The following EXD2 variants were observed in gnomAD, a reference collection of about 807,000 sequenced individuals.
The protein encoded by EXD2 is exonuclease 3'-5' domain containing 2.
Under a neutral mutation model 62.5 loss-of-function variants are expected in EXD2, and 40 were observed. The ratio of observed to expected loss-of-function variants is 0.64; its 90% confidence interval spans 0.50 to 0.83. EXD2 has a LOEUF of 0.83. EXD2 is among the 40% of genes least tolerant of loss of function. The pLI, the probability that EXD2 is intolerant of heterozygous loss-of-function variation, is 0.00. For missense variants in EXD2, 671 were observed against 761.8 expected (o/e 0.88, Z 1.40); for synonymous variants, 239 against 291.9 (o/e 0.82, Z 1.85).
intron 3 of EXD2, among the ~76,000 whole-genome samples, chr14:69,221,909 TAAAAAAAAA>T (rs60647735): frequency 1.9e-4 from 10 of 52,034 alleles, no homozygotes; most frequent in East Asian, 8.3e-4. Flanking sequence ...CTGTCTCTAC[TAAAAAAAAA>T]AAAAAAAAAA....
intron 2 of EXD2, 51 bp from the exon 3 acceptor site, chr14:69,209,373 G>A: frequency 9.9e-7 from 1 of 1,012,824 alleles, no homozygotes; most frequent in South Asian, 2.7e-5. Flanking sequence ...ACTTGTTTAT[G>A]TAAAGGTTTA....
chr14:69,228,779 C>T (rs1300579286), intron 3 of EXD2, 37 bp from the exon 4 acceptor site: 1 of 1,584,552 alleles, frequency 6.3e-7, no homozygotes, highest in Admixed American at 1.8e-5. Flanking sequence ...CTGCTGTGCT[C>T]AGGTGTGAAC....
At chr14:69,234,636 A>C (rs537498635) in intron 5 of EXD2, 64 bp from the exon 6 acceptor site, 2 of 1,350,570 alleles carry the variant, frequency 1.5e-6, no homozygotes, top group East Asian at 4.6e-5. Context: ...TTTGTGATTG[A>C]CTTTGAAGTT....
chr14:69,209,946 CAGA>C (rs1276119498), intron 3 of EXD2, 143 bp downstream of exon 3: 10 of 651,584 alleles, frequency 1.5e-5, no homozygotes, highest in Admixed American at 7.3e-5. Flanking sequence ...CAGATTTTAG[CAGA>C]AGAAGAAGCT....
intron 1 of EXD2, among the ~76,000 whole-genome samples, chr14:69,198,979 C>G (rs575937812): frequency 2.0e-5 from 3 of 152,268 alleles, no homozygotes; most frequent in Non-Finnish European, 4.4e-5. Context: ...CATGGAGGCT[C>G]ACGCCTATAA....
At chr14:69,230,407 T>G in intron 4 of EXD2, 65 bp from the exon 5 acceptor site, 1 of 1,149,548 alleles carries the variant, frequency 8.7e-7, no homozygotes, top group Non-Finnish European at 1.3e-6. Context: ...TTATATGTCT[T>G]TTTTGATTTT....
chr14:69,218,797 T>C (rs1274191892), intron 3 of EXD2, among the ~76,000 whole-genome samples: 2 of 152,190 alleles, frequency 1.3e-5, no homozygotes, highest in African/African-American at 4.8e-5. Flanking sequence ...TTTTCAGGTT[T>C]GTCAAAGATC....
intron 2 of EXD2, chr14:69,208,847 T>C (rs1193479908): frequency 6.6e-6 from 1 of 152,220 alleles, no homozygotes; most frequent in African/African-American, 2.4e-5. Flanking sequence ...GGAGAACTGC[T>C]GAGCCTTCTG....
intron 7 of EXD2, 83 bp downstream of exon 7, chr14:69,236,235 G>A: frequency 1.3e-6 from 2 of 1,505,240 alleles, no homozygotes; most frequent in Non-Finnish European, 1.8e-6. Context: ...AAGGAAGAGG[G>A]AGGGATAGAA....
At chr14:69,193,016 A>G (rs1449745899) in intron 1 of EXD2, among the ~76,000 whole-genome samples, 1 of 151,516 alleles carries the variant, frequency 6.6e-6, no homozygotes, top group East Asian at 1.9e-4. Flanking sequence ...AGGAATGCCA[A>G]ACTGCCACCC....
At chr14:69,202,870 A>T (rs1041638431) in intron 1 of EXD2, among the ~76,000 whole-genome samples, 2 of 152,242 alleles carry the variant, frequency 1.3e-5, no homozygotes, top group Non-Finnish European at 2.9e-5. Flanking sequence ...AATATAAATT[A>T]CAAATATATA....
At position 69,236,338 on chromosome 14, in the gene EXD2, A is replaced by G; in HGVS notation, c.1157-69A>G. ...GGCCATAGCAGAGAACAGTGAAGGT[A>G]GTGCTGCTTCTTGGGTGTGGTGGTG... is the stretch of plus-strand genomic sequence containing the variant. On this transcript the variant is annotated intron_variant, in intron 7 of 9. Transcript: ENST00000685843. 5.6e-6 allele frequency: 9 copies of G among 1,609,194 alleles called. No individual in the cohort carries two copies. In the South Asian group the frequency reaches 9.9e-5, roughly 18 times the overall value.
chr14:69,226,966 C>G (rs1359617815), intron 3 of EXD2, among the ~76,000 whole-genome samples: 1 of 152,106 alleles, frequency 6.6e-6, no homozygotes, highest in Non-Finnish European at 1.5e-5. Context: ...CCTCCTACTC[C>G]TCCTGTAAGA....
At chr14:69,217,114 G>A (rs953827573) in intron 3 of EXD2, among the ~76,000 whole-genome samples, 3 of 152,114 alleles carry the variant, frequency 2.0e-5, no homozygotes, top group East Asian at 1.9e-4. Context: ...GTGCAGTGGC[G>A]TGATCATAAC....
intron 3 of EXD2, 89 bp downstream of exon 3, chr14:69,209,892 G>T: frequency 9.1e-7 from 1 of 1,094,292 alleles, no homozygotes; most frequent in Non-Finnish European, 1.3e-6. Flanking sequence ...TAGAAAATAA[G>T]GTTAAAGGAG....
intron 3 of EXD2, among the ~76,000 whole-genome samples, chr14:69,227,567 G>A (rs2043403617): frequency 1.3e-5 from 2 of 152,142 alleles, no homozygotes; most frequent in African/African-American, 4.8e-5. Flanking sequence ...TTAAACCTCA[G>A]CCAGGCGCAG....
chr14:69,223,726 C>T (rs891154079), intron 3 of EXD2, among the ~76,000 whole-genome samples: 1 of 152,174 alleles, frequency 6.6e-6, no homozygotes, highest in African/African-American at 2.4e-5. Flanking sequence ...CTGGTCCTTT[C>T]TGGAGACTCT....
At chr14:69,236,344 G>C in intron 7 of EXD2, 63 bp from the exon 8 acceptor site, 2 of 1,612,290 alleles carry the variant, frequency 1.2e-6, no homozygotes, top group Non-Finnish European at 1.7e-6. Context: ...AGGTAGTGCT[G>C]CTTCTTGGGT....
chr14:69,213,108 G>T, intron 3 of EXD2, among the ~76,000 whole-genome samples: 2 of 141,094 alleles, frequency 1.4e-5, no homozygotes, highest in African/African-American at 2.6e-5. Context: ...TTTGTAGATG[G>T]GGTCTTGCTC....
Sources: gnomAD v4.1 joint callset for allele counts (sites outside exome capture counted in the v4.1 genomes callset) on GRCh38, gnomAD v4.1.1 for gene constraint, MANE v1.5 for transcripts, NCBI Gene and HGNC (gene_info 2026-07-23, HGNC 2026-07-21) for gene names.